INSR: variants seen among roughly 807,000 people sequenced by gnomAD.
The protein encoded by INSR is IR.
A neutral mutation model predicts 142.6 loss-of-function variants in INSR; 67 were observed. The ratio of observed to expected loss-of-function variants is 0.47; its 90% CI spans 0.39 to 0.58. INSR has a LOEUF of 0.58. Ranked by LOEUF, INSR falls within the 20% of genes least tolerant of loss-of-function variation. The probability of loss-of-function intolerance (pLI) is 0.00; values close to 1 mark genes in which losing one functional copy is unlikely to be tolerated. For missense variants in INSR, 1,248 were observed against 1,833.2 expected (o/e 0.68, Z 5.83); for synonymous variants, 756 against 743.1 (o/e 1.02, Z -0.28).
chr19:7,231,295 GTTTTTTTTTTTTTTT>G (rs59830751), intron 2 of INSR, among the ~76,000 whole-genome samples: 1 of 135,002 alleles, frequency 7.4e-6, no homozygotes, highest in Non-Finnish European at 1.6e-5. Context: ...GGTGTTTTTT[GTTTTTTTTTTTTTTT>G]TTTTTTTTGA....
intron 2 of INSR, among the ~76,000 whole-genome samples, chr19:7,220,632 G>A (rs775761511): frequency 1.3e-5 from 2 of 151,984 alleles, no homozygotes; most frequent in Admixed American, 6.6e-5. Context: ...AGGTAGGTTC[G>A]GTCTTGTTAT....
intron 2 of INSR, among the ~76,000 whole-genome samples, chr19:7,237,371 G>C (rs909602027): frequency 5.3e-5 from 8 of 151,270 alleles, no homozygotes; most frequent in African/African-American, 1.9e-4. Flanking sequence ...ATAAAAATTA[G>C]CCGGGCGTGG....
At chr19:7,184,270 T>C (rs756829255) in intron 3 of INSR, 46 bp downstream of exon 3, 2 of 1,560,516 alleles carry the variant, frequency 1.3e-6, no homozygotes, top group South Asian at 2.2e-5. Context: ...CAACCCCACG[T>C]TCCTTCTCCT....
rs751772453 is a variant in INSR, at chr19:7,113,791, C to T, written c.*3265G>A. On this transcript the variant is annotated 3_prime_UTR_variant, in exon 22 of 22. Coordinates refer to ENST00000302850, the MANE Select transcript of INSR (RefSeq NM_000208.4). ...ACCCAATAGCTGTTTGCTCTTTTCA[C>T]TGTGGCAGTAGAGTCAAATAAATGA... 1 of 152,130 alleles carries T rather than the reference C, an allele frequency of 6.6e-6. No homozygotes were observed. The highest frequency in any genetic ancestry group is 2.4e-5 in the African/African-American group (1 of 41,422). The allele number at this position is 152,130 out of a possible 1,614,324, so 9.4% of individuals were successfully genotyped here.
intron 1 of INSR, among the ~76,000 whole-genome samples, chr19:7,275,101 G>C (rs1372138238): frequency 6.6e-6 from 1 of 151,456 alleles, no homozygotes; most frequent in Non-Finnish European, 1.5e-5. Flanking sequence ...TCAGCCTCCC[G>C]AGTAGTTGGT....
At chr19:7,199,559 G>GATTT (rs1974892595) in intron 2 of INSR, among the ~76,000 whole-genome samples, 2 of 52,056 alleles carry the variant, frequency 3.8e-5, no homozygotes, top group African/African-American at 1.4e-4. Context: ...CACTGCGACA[G>GATTT]CTTTTTTTTT....
chr19:7,204,378 C>T (rs1009943774), intron 2 of INSR, among the ~76,000 whole-genome samples: 3 of 152,104 alleles, frequency 2.0e-5, no homozygotes, highest in Admixed American at 6.6e-5. Flanking sequence ...TTATTTTCCC[C>T]TCTATAAGTT....
At chr19:7,226,116 T>C (rs1975771079) in intron 2 of INSR, among the ~76,000 whole-genome samples, 1 of 152,180 alleles carries the variant, frequency 6.6e-6, no homozygotes, top group African/African-American at 2.4e-5. Context: ...ATTAAAAATG[T>C]CTGAGGATCG....
intron 9 of INSR, among the ~76,000 whole-genome samples, chr19:7,155,495 G>A (rs148265864): frequency 8.4e-5 from 12 of 142,944 alleles, no homozygotes; most frequent in Non-Finnish European, 1.5e-4. Flanking sequence ...CCAAGATTGC[G>A]CCACTGCACT....
intron 20 of INSR, 76 bp downstream of exon 20, chr19:7,120,544 C>T: frequency 6.3e-7 from 1 of 1,585,836 alleles, no homozygotes; most frequent in South Asian, 1.1e-5. Flanking sequence ...GGCAGGCTTC[C>T]TTCCCCCGCT....
intron 2 of INSR, among the ~76,000 whole-genome samples, chr19:7,218,195 A>G (rs1975495549): frequency 6.6e-6 from 1 of 152,018 alleles, no homozygotes; most frequent in Non-Finnish European, 1.5e-5. Context: ...TCTTGGAGAC[A>G]TTTCTGGTTG....
At chr19:7,132,422 G>A (rs113506144) in intron 13 of INSR, 105 bp from the exon 14 acceptor site, 14 of 1,297,434 alleles carry the variant, frequency 1.1e-5, no homozygotes, top group East Asian at 1.0e-4. Context: ...CAGAAATGAC[G>A]CCAAGGCAGC....
Position 7,166,366 on chromosome 19 carries a change from G to C in INSR, c.1649C>G (p.Ala550Gly), listed in dbSNP as rs779385641. ...CACCGTCCAACTGTTGGAACCACAC[G>C]CATCCTGCCCGTCGAACTCCGTCAC... ...QNVTEFDGQD[A>G]CGSNSWTVVD... The change falls in exon 8 of 22, where the codon GCG becomes GGG. Residue 550 changes from alanine to glycine, a missense_variant. Ala to Gly is a moderately conservative substitution (Grantham distance 60). Coordinates refer to ENST00000302850, the MANE Select transcript of INSR (RefSeq NM_000208.4). The surrounding 1 kb of genome is among the most constrained non-coding windows in gnomAD (Gnocchi z 4.1). 2 of 1,614,024 alleles carry C rather than the reference G, an allele frequency of 1.2e-6. No individual in the cohort carries two copies. Among genetic ancestry groups the C allele is most frequent in the Non-Finnish European group, 1.7e-6 (2 of 1,179,984 alleles).
chr19:7,203,711 A>C (rs1384627224), intron 2 of INSR, among the ~76,000 whole-genome samples: 1 of 152,186 alleles, frequency 6.6e-6, no homozygotes, highest in Non-Finnish European at 1.5e-5. Flanking sequence ...CCTGAAGGAC[A>C]CAGGTGCCCA....
At chr19:7,153,290 ACCG>A (rs1288531032) in intron 9 of INSR, among the ~76,000 whole-genome samples, 2 of 134,470 alleles carry the variant, frequency 1.5e-5, no homozygotes, top group East Asian at 2.8e-4. Context: ...CACACCACAC[ACCG>A]CACACACACC....
At chr19:7,223,196 CAAA>C (rs200208933) in intron 2 of INSR, among the ~76,000 whole-genome samples, 1 of 151,644 alleles carries the variant, frequency 6.6e-6, no homozygotes, top group Non-Finnish European at 1.5e-5. Context: ...GACAAACAAA[CAAA>C]AAAAACCAAC....
At chr19:7,268,486 G>T (rs1967810737) in intron 1 of INSR, 24 of 985,252 alleles carry the variant, frequency 2.4e-5, no homozygotes, top group Non-Finnish European at 2.9e-5. Flanking sequence ...TTCTCCTGAA[G>T]GCGGTCCCTC....
intron 8 of INSR, 73 bp from the exon 9 acceptor site, chr19:7,163,272 G>T: frequency 2.1e-6 from 3 of 1,437,384 alleles, no homozygotes; most frequent in Admixed American, 1.7e-5. Flanking sequence ...GGATGGCGGG[G>T]GACACACAAG....
intron 9 of INSR, among the ~76,000 whole-genome samples, chr19:7,153,197 C>CA (rs1568449551): frequency 2.0e-5 from 1 of 50,428 alleles, no homozygotes; most frequent in Non-Finnish European, 6.5e-5. Flanking sequence ...CACACACACA[C>CA]CACACACACC....
Sources: allele counts gnomAD v4.1 joint callset (sites outside exome capture counted in the v4.1 genomes callset), GRCh38; gene constraint gnomAD v4.1.1; non-coding constraint Gnocchi (gnomAD v3.1); transcripts MANE v1.5; gene names NCBI Gene and HGNC (gene_info 2026-07-23, HGNC 2026-07-21).